The following PPARG variants were observed in gnomAD, a reference collection of about 807,000 sequenced individuals.
PPARG encodes the protein peroxisome proliferator activated receptor gamma, also known as peroxisome proliferator-activated receptor gamma.
A neutral mutation model predicts 39.2 loss-of-function variants in PPARG; 17 were observed. The observed-to-expected ratio is 0.43, with a 90% CI of 0.30 to 0.65. The LOEUF (loss-of-function observed/expected upper bound fraction) is 0.65. Among genes scored for constraint, PPARG ranks in the 30% least tolerant of loss-of-function variants. The probability of loss-of-function intolerance (pLI) is 0.13; values close to 1 mark genes in which losing one functional copy is unlikely to be tolerated. For synonymous variants in PPARG, 223 were observed against 215.7 expected, an observed-to-expected ratio of 1.03 and a Z score of -0.30; for missense variants, 406 against 585.9, an observed-to-expected ratio of 0.69 and a Z score of 3.17.
Position 12,417,147 on chromosome 3 carries a change from C to T in PPARG, c.1173C>T (p.Leu391=), listed in dbSNP as rs764089952. The T allele has an allele frequency of 6.2e-7, 1 of 1,613,740 alleles. No homozygotes were observed. Among genetic ancestry groups the T allele is most frequent in the East Asian group, 2.2e-5 (1 of 44,868 alleles). ...DLAIFIAVII[L]SGDRPGLLNV... The stretch of plus-strand genomic sequence containing the variant: ...CAATATTTATTGCTGTCATTATTCT[C>T]AGTGGAGGTAAGATTTGTCTTTTGA... The change falls in exon 7 of 8, where the codon CTC becomes CTT. Residue 391 remains leucine (L), a synonymous_variant. Coordinates refer to ENST00000651735, the MANE Select transcript of PPARG (RefSeq NM_138711.6).
At chr3:12,392,936 T>C (rs1221931527) in intron 5 of PPARG, among the ~76,000 whole-genome samples, 184 bp downstream of exon 5, 1 of 152,220 alleles carries the variant, frequency 6.6e-6, no homozygotes, top group Non-Finnish European at 1.5e-5. Flanking sequence ...TATAGAACCT[T>C]TCTCTCTGTG....
rs562420840 is a variant in PPARG, at chr3:12,296,550, T to G, written c.-83+7416T>G. Reference sequence around the variant, plus strand: ...AGCCTTACCCTTGCTTATGGTTAAGTTCTTTGCCCTATCTCTCTCCACTCA... The same window carrying G: ...AGCCTTACCCTTGCTTATGGTTAAGGTCTTTGCCCTATCTCTCTCCACTCA... On this transcript the variant is annotated intron_variant, in intron 1 of 7. Coordinates refer to ENST00000651735, the MANE Select transcript of PPARG (RefSeq NM_138711.6). Among the ~76,000 whole-genome samples the G allele has an allele frequency of 1.1e-4, 17 of 152,286 alleles. No individual in the cohort carries two copies. In the South Asian group the frequency reaches 3.3e-3, roughly 30 times the overall value.
intron 2 of PPARG, among the ~76,000 whole-genome samples, chr3:12,325,132 C>G (rs539155287): frequency 6.6e-6 from 1 of 152,000 alleles, no homozygotes; most frequent in South Asian, 2.1e-4. Flanking sequence ...ACTAAAAATA[C>G]AAAACATTGT....
At chr3:12,410,561 T>C (rs756665291) in intron 6 of PPARG, among the ~76,000 whole-genome samples, 1 of 152,208 alleles carries the variant, frequency 6.6e-6, no homozygotes, top group Non-Finnish European at 1.5e-5. Context: ...AACTTTTTAT[T>C]TGTGCTATAT....
intron 2 of PPARG, among the ~76,000 whole-genome samples, chr3:12,376,897 C>T (rs2049433316): frequency 6.6e-6 from 1 of 152,128 alleles, no homozygotes; most frequent in Non-Finnish European, 1.5e-5. Flanking sequence ...TTGATGAATC[C>T]TGGAGTTTAT....
At chr3:12,354,614 G>A (rs1464107274) in intron 2 of PPARG, among the ~76,000 whole-genome samples, 3 of 151,862 alleles carry the variant, frequency 2.0e-5, no homozygotes, top group Non-Finnish European at 4.4e-5. Context: ...TTAGCCAGGC[G>A]TGGTGGTGGG....
Position 12,332,684 on chromosome 3 carries a change from A to G in PPARG, c.-9+20231A>G, listed in dbSNP as rs190191370. On this transcript the variant is annotated intron_variant, in intron 2 of 7. Coordinates refer to ENST00000651735, the MANE Select transcript of PPARG (RefSeq NM_138711.6). ...TGATCACTGACTCCATATATAGGGCAGTGATTTCAAAATTATTCTACTACC... is the reference window on the plus strand; with the variant it reads ...TGATCACTGACTCCATATATAGGGCGGTGATTTCAAAATTATTCTACTACC... Among the ~76,000 whole-genome samples, 424 of 152,298 alleles carry G rather than the reference A, an allele frequency of 2.8e-3. 2 individuals carry two copies. The highest frequency in any genetic ancestry group is 9.4e-3 in the African/African-American group (392 of 41,566).
intron 1 of PPARG, among the ~76,000 whole-genome samples, chr3:12,311,143 G>T (rs1479769727): frequency 3.3e-5 from 5 of 152,010 alleles, no homozygotes; most frequent in Admixed American, 6.5e-5. Context: ...TCACTCTGTT[G>T]CCCAGGCTGG....
intron 2 of PPARG, chr3:12,344,847 G>A (rs1005471530): frequency 7.2e-5 from 11 of 152,202 alleles, no homozygotes; most frequent in East Asian, 1.9e-4. Context: ...TCACAACTCC[G>A]AAAAGATAAG....
intron 1 of PPARG, among the ~76,000 whole-genome samples, chr3:12,289,553 T>C (rs911212056): frequency 6.6e-6 from 1 of 152,244 alleles, no homozygotes; most frequent in East Asian, 1.9e-4. Flanking sequence ...ACTGGATTTA[T>C]TAAGAGAACA....
At chr3:12,386,092 A>T (rs766602854) in intron 4 of PPARG, among the ~76,000 whole-genome samples, 1 of 152,218 alleles carries the variant, frequency 6.6e-6, no homozygotes, top group Non-Finnish European at 1.5e-5. Context: ...TCATCAGAAG[A>T]GTAAGTTGTT....
At chr3:12,301,269 A>C (rs1209017142) in intron 1 of PPARG, among the ~76,000 whole-genome samples, 1 of 152,214 alleles carries the variant, frequency 6.6e-6, no homozygotes, top group Non-Finnish European at 1.5e-5. Context: ...AACTGTAACA[A>C]ACTCTGCTTA....
Position 12,433,978 on chromosome 3 carries a change from C to G in PPARG, c.1261C>G (p.Leu421Val), listed in dbSNP as rs962987706. ...LLQALELQLK[L>V]NHPESSQLFA... The stretch of plus-strand genomic sequence containing the variant: ...ACAAGCCCTGGAGCTCCAGCTGAAG[C>G]TGAACCACCCTGAGTCCTCACAGCT... The change falls in exon 8 of 8, where the codon CTG becomes GTG. Residue 421 changes from leucine to valine, a missense_variant. Transcript: ENST00000651735. 3.1e-6 allele frequency: 5 copies of G among 1,614,112 alleles called. No individual in the cohort carries two copies. In the African/African-American group the frequency reaches 5.3e-5, roughly 17 times the overall value.
chr3:12,384,150 T>C (rs970019513), intron 4 of PPARG, among the ~76,000 whole-genome samples: 6 of 152,138 alleles, frequency 3.9e-5, no homozygotes, highest in Non-Finnish European at 7.4e-5. Context: ...AAGAAAAATA[T>C]TATTCTTGGA....
At chr3:12,366,151 G>A (rs905811832) in intron 2 of PPARG, among the ~76,000 whole-genome samples, 6 of 151,682 alleles carry the variant, frequency 4.0e-5, no homozygotes, top group South Asian at 4.2e-4. Flanking sequence ...TTTACTTTTC[G>A]GGGTGCTAAT....
Position 12,364,940 on chromosome 3 carries a change from C to T in PPARG, c.-8-14764C>T, listed in dbSNP as rs4135310. Among the ~76,000 whole-genome samples, 471 of 152,246 alleles carry T rather than the reference C, an allele frequency of 3.1e-3. 2 individuals carry two copies. Among genetic ancestry groups the T allele is most frequent in the African/African-American group, 0.011 (444 of 41,536 alleles). ...TTCTTTGTATATTTTGGATAACAGT[C>T]CTTTATCACAGTAGTCCCTGACCTT... On this transcript the variant is annotated intron_variant, in intron 2 of 7. Coordinates refer to ENST00000651735, the MANE Select transcript of PPARG (RefSeq NM_138711.6).
chr3:12,342,414 G>A (rs1239496378), intron 2 of PPARG, among the ~76,000 whole-genome samples: 1 of 152,168 alleles, frequency 6.6e-6, no homozygotes, highest in East Asian at 1.9e-4. Flanking sequence ...GATTAGGGTT[G>A]GAGCAAACCA....
chr3:12,343,101 A>G (rs1575025027), intron 2 of PPARG, among the ~76,000 whole-genome samples: 1 of 151,746 alleles, frequency 6.6e-6, no homozygotes, highest in East Asian at 1.9e-4. Context: ...CAGTAGGTCT[A>G]AGACACGTTT....
At chr3:12,394,933 C>T (rs1003503249) in intron 5 of PPARG, among the ~76,000 whole-genome samples, 5 of 152,124 alleles carry the variant, frequency 3.3e-5, no homozygotes, top group Non-Finnish European at 5.9e-5. Flanking sequence ...TTTCAGTATG[C>T]GCAAGAAAAC....
Sources: allele counts gnomAD v4.1 joint callset (sites outside exome capture counted in the v4.1 genomes callset), GRCh38; gene constraint gnomAD v4.1.1; transcripts MANE v1.5; gene names NCBI Gene and HGNC (gene_info 2026-07-23, HGNC 2026-07-21).